ADAMTSL3: variants seen among roughly 807,000 people sequenced by gnomAD.
ADAMTSL3 encodes ADAMTS like 3.
In ADAMTSL3, 128 loss-of-function variants were observed where a neutral mutation model predicts 201.7. The ratio of observed to expected loss-of-function variants is 0.63; its 90% CI spans 0.55 to 0.73. ADAMTSL3 has a LOEUF of 0.73. Among genes scored for constraint, ADAMTSL3 ranks in the 30% least tolerant of loss-of-function variants. The pLI is 0.00. For missense variants in ADAMTSL3, 1,990 were observed against 2,119.6 expected (o/e 0.94, Z 1.20); for synonymous variants, 738 against 748.4 (o/e 0.99, Z 0.23).
chr15:83,949,974 GTTGA>G (rs1382952643), intron 19 of ADAMTSL3, among the ~76,000 whole-genome samples: 1 of 151,952 alleles, frequency 6.6e-6, no homozygotes, highest in Non-Finnish European at 1.5e-5. Context: ...TGTCTACTTT[GTTGA>G]TTGTTTTATT....
intron 4 of ADAMTSL3, among the ~76,000 whole-genome samples, chr15:83,801,651 A>ATATATATATATAT (rs2063518564): frequency 2.6e-4 from 8 of 31,284 alleles, no homozygotes; most frequent in Non-Finnish European, 5.3e-4. Context: ...TATAAATATA[A>ATATATATATATAT]ATATATATAT....
At chr15:83,861,121 G>A (rs1026774282) in intron 8 of ADAMTSL3, among the ~76,000 whole-genome samples, 1 of 152,174 alleles carries the variant, frequency 6.6e-6, no homozygotes, top group African/African-American at 2.4e-5. Context: ...GCTGGGGGAG[G>A]GGCACCCACC....
At chr15:83,709,511 C>T (rs1218281029) in intron 3 of ADAMTSL3, among the ~76,000 whole-genome samples, 2 of 152,154 alleles carry the variant, frequency 1.3e-5, no homozygotes, top group Non-Finnish European at 2.9e-5. Context: ...ATATTGGTCA[C>T]TGCACATGGT....
rs1477700895 is a variant in ADAMTSL3 at position 83,885,110 on chromosome 15, A to G, written c.970A>G (p.Thr324Ala). The G allele has an allele frequency of 1.2e-6, 2 of 1,613,528 alleles. No homozygotes were observed. The highest frequency in any genetic ancestry group is 1.6e-4 in the Middle Eastern group (1 of 6,062). Reference protein sequence around the residue: ...MADFIFKTRYTAAKDSVVQFF... With the variant: ...MADFIFKTRYAAAKDSVVQFF... Reference sequence around the variant, plus strand: ...AGTTCTCTTTGTCCAGACCAGGTACACTGCAGCCAAAGACAGCGTGGTTCA... The same window carrying G: ...AGTTCTCTTTGTCCAGACCAGGTACGCTGCAGCCAAAGACAGCGTGGTTCA... Residue 324 changes from threonine (T) to alanine (A), a missense_variant, in exon 10 of 30, where the codon ACT becomes GCT. Physicochemically the swap from Thr to Ala is moderately conservative, Grantham distance 58 (BLOSUM62 0). Transcript: ENST00000286744.
rs576009500 is a variant in ADAMTSL3 at position 84,023,328 on chromosome 15, A to T, written c.4457+1735A>T. Among the ~76,000 whole-genome samples, 15 of 152,358 alleles carry T rather than the reference A, an allele frequency of 9.8e-5. 1 individual carries two copies. In the South Asian group the frequency reaches 3.1e-3, roughly 32 times the overall value. Reference sequence around the variant, plus strand: ...TGAAGAAGATACTAACATTTTACTGATGAGAAACTGGAGAAATGTTTAATG... The same window carrying T: ...TGAAGAAGATACTAACATTTTACTGTTGAGAAACTGGAGAAATGTTTAATG... On this transcript the variant is annotated intron_variant, in intron 26 of 29. Coordinates refer to ENST00000286744, the MANE Select transcript of ADAMTSL3 (RefSeq NM_207517.3).
At chr15:83,816,993 C>G (rs2063781372) in intron 5 of ADAMTSL3, among the ~76,000 whole-genome samples, 1 of 152,128 alleles carries the variant, frequency 6.6e-6, no homozygotes, top group Non-Finnish European at 1.5e-5. Flanking sequence ...AAGACCCTGA[C>G]TAAAGAAAAA....
chr15:83,695,234 GTGTGT>G (rs2061669193), intron 2 of ADAMTSL3, among the ~76,000 whole-genome samples: 1 of 656 alleles, frequency 1.5e-3, no homozygotes. Context: ...TGTAATGTGT[GTGTGT>G]GTGTGTGTGT....
intron 19 of ADAMTSL3, among the ~76,000 whole-genome samples, chr15:83,957,855 A>G (rs2066890065): frequency 6.6e-6 from 1 of 152,218 alleles, no homozygotes; most frequent in African/African-American, 2.4e-5. Context: ...ACCATGGAAG[A>G]TGACTACCAT....
At chr15:84,005,663 A>T (rs997783122) in intron 23 of ADAMTSL3, among the ~76,000 whole-genome samples, 1 of 152,246 alleles carries the variant, frequency 6.6e-6, no homozygotes, top group South Asian at 2.1e-4. Context: ...GCAGAAGCCC[A>T]GGGTACGTGA....
intron 19 of ADAMTSL3, among the ~76,000 whole-genome samples, chr15:83,945,415 T>G (rs1188878452): frequency 6.6e-6 from 1 of 152,148 alleles, no homozygotes; most frequent in African/African-American, 2.4e-5. Context: ...TGGGTTTGCT[T>G]AATTTTCCTC....
At position 83,829,134 on chromosome 15, in the gene ADAMTSL3, C is replaced by T. The variant is rs558927721; in HGVS notation, c.601-8955C>T. ...TCCTCCTTGTACCTCTGGAAGAATT[C>T]GGCTGTGAATCCATCTGGTCCTGGA... is the stretch of plus-strand genomic sequence containing the variant. On this transcript the variant is annotated intron_variant, in intron 6 of 29. Coordinates refer to ENST00000286744, the MANE Select transcript of ADAMTSL3 (RefSeq NM_207517.3). 1.9e-3 allele frequency among the ~76,000 whole-genome samples: 294 copies of T among 152,264 alleles called. 1 individual carries two copies. Among genetic ancestry groups the T allele is most frequent in the African/African-American group, 6.7e-3 (279 of 41,552 alleles).
intron 8 of ADAMTSL3, among the ~76,000 whole-genome samples, chr15:83,866,952 A>G (rs11259923): frequency 0.26 from 39,172 of 152,046 alleles, 5,614 homozygotes; most frequent in Admixed American, 0.42. Context: ...CAATCTCACA[A>G]TTGGCAGTAG....
chr15:83,901,026 C>A (rs2065713951), intron 15 of ADAMTSL3, among the ~76,000 whole-genome samples: 1 of 152,144 alleles, frequency 6.6e-6, no homozygotes, highest in African/African-American at 2.4e-5. Flanking sequence ...AGCCCCAGGG[C>A]AGTGTGGGTT....
chr15:83,773,709 G>A lies in ADAMTSL3; in HGVS notation c.317+59G>A, dbSNP rs1014207872. Reference sequence around the variant, plus strand: ...AATGTGCCAGTGCCTCTGGATGGGTGGAGAGGAGAGATAACTTTATATGGC... The same window carrying A: ...AATGTGCCAGTGCCTCTGGATGGGTAGAGAGGAGAGATAACTTTATATGGC... On this transcript the variant is annotated intron_variant, in intron 4 of 29. Coordinates refer to ENST00000286744, the MANE Select transcript of ADAMTSL3 (RefSeq NM_207517.3). 26 of 1,552,502 alleles carry A rather than the reference G, an allele frequency of 1.7e-5. No homozygotes were observed. In the African/African-American group the frequency reaches 3.2e-4, roughly 19 times the overall value.
intron 3 of ADAMTSL3, among the ~76,000 whole-genome samples, chr15:83,708,572 C>A (rs977568861): frequency 6.6e-6 from 1 of 152,204 alleles, no homozygotes; most frequent in Non-Finnish European, 1.5e-5. Context: ...GCAAACAGGA[C>A]TAGTCAGGCA....
rs1410965351 is a variant in ADAMTSL3 at position 83,655,737 on chromosome 15, T to C, written c.-25T>C. ...TCTTTCCTCGTTTGTAGGCTACAAC[T>C]GAGACCCGGAGGAGACTAGACCCCA... On this transcript the variant is annotated 5_prime_UTR_variant, in exon 2 of 30. Coordinates refer to ENST00000286744, the MANE Select transcript of ADAMTSL3 (RefSeq NM_207517.3). 7 of 1,612,484 alleles carry C rather than the reference T, an allele frequency of 4.3e-6. No individual in the cohort carries two copies. The highest frequency in any genetic ancestry group is 5.9e-6 in the Non-Finnish European group (7 of 1,178,758).
At chr15:84,008,701 C>G (rs1340079040) in intron 23 of ADAMTSL3, among the ~76,000 whole-genome samples, 1 of 152,148 alleles carries the variant, frequency 6.6e-6, no homozygotes, top group East Asian at 1.9e-4. Context: ...ATTTTCAGCA[C>G]AGACCTTTCC....
intron 16 of ADAMTSL3, among the ~76,000 whole-genome samples, chr15:83,921,032 T>C (rs961458711): frequency 6.6e-6 from 1 of 152,228 alleles, no homozygotes; most frequent in Non-Finnish European, 1.5e-5. Flanking sequence ...ATCCATTTCA[T>C]GAGGATACTG....
At chr15:83,692,566 G>A (rs926540608) in intron 2 of ADAMTSL3, among the ~76,000 whole-genome samples, 92 of 151,108 alleles carry the variant, frequency 6.1e-4, no homozygotes, top group African/African-American at 2.0e-3. Flanking sequence ...GGCACCTGTA[G>A]CCCCAGCTAC....
Sources: allele counts gnomAD v4.1 joint callset (sites outside exome capture counted in the v4.1 genomes callset), GRCh38; gene constraint gnomAD v4.1.1; transcripts MANE v1.5; gene names NCBI Gene and HGNC (gene_info 2026-07-23, HGNC 2026-07-21).